Variants in ADAMTS16 observed in about 807,000 individuals in gnomAD.
ADAMTS16 encodes A disintegrin and metalloproteinase with thrombospondin motifs 16.
ADAMTS16 carries 94 observed loss-of-function variants against 145.8 expected under a neutral mutation model. The observed-to-expected ratio is 0.64, with a 90% CI of 0.55 to 0.77. The LOEUF is 0.77. Among genes scored for constraint, ADAMTS16 ranks in the 30% least tolerant of loss-of-function variants. The pLI is 0.00. For missense variants in ADAMTS16, 1,585 were observed against 1,591.5 expected (o/e 1.00, Z 0.07); for synonymous variants, 659 against 604.3 (o/e 1.09, Z -1.33).
At chr5:5,240,901 TCTAAGGC>T (rs1487649148) in intron 16 of ADAMTS16, among the ~76,000 whole-genome samples, 6 of 152,276 alleles carry the variant, frequency 3.9e-5, no homozygotes, top group Admixed American at 3.9e-4. Flanking sequence ...TCTCCCACCA[TCTAAGGC>T]TTTTAGCTTT....
At chr5:5,229,268 G>A (rs1003123141) in intron 11 of ADAMTS16, among the ~76,000 whole-genome samples, 20 of 136,740 alleles carry the variant, frequency 1.5e-4, no homozygotes, top group Admixed American at 2.4e-4. Context: ...ACTGCAGTCC[G>A]CAGTCCGGCC....
At position 5,215,828 on chromosome 5, in the gene ADAMTS16, A is replaced by G. The variant is rs1055816041; in HGVS notation, c.1605+6582A>G. ...TATGTGTGGTATATATATGTGGTAT[A>G]TATATGTGGTGTGTATATATATATA... On this transcript the variant is annotated intron_variant, in intron 10 of 22. Transcript: ENST00000274181. Among the ~76,000 whole-genome samples the G allele has an allele frequency of 1.3e-3, 83 of 64,008 alleles. No individual in the cohort carries two copies. In the East Asian group the frequency reaches 0.072, roughly 55 times the overall value. 42.0% of individuals were successfully genotyped at this position (64,008 alleles called of 152,430 possible).
chr5:5,239,508 T>C (rs1167875743), intron 15 of ADAMTS16, among the ~76,000 whole-genome samples, 173 bp from the exon 16 acceptor site: 1 of 152,234 alleles, frequency 6.6e-6, no homozygotes, highest in Non-Finnish European at 1.5e-5. Flanking sequence ...TCTGCTCCAA[T>C]TGATAAAAAG....
At chr5:5,182,653 T>C (rs1292750127) in intron 4 of ADAMTS16, among the ~76,000 whole-genome samples, 4 of 152,214 alleles carry the variant, frequency 2.6e-5, no homozygotes, top group Non-Finnish European at 4.4e-5. Flanking sequence ...TTTAGATTTA[T>C]TCAAGCCCAC....
chr5:5,191,144 C>T (rs573800276), intron 7 of ADAMTS16, among the ~76,000 whole-genome samples: 2 of 152,184 alleles, frequency 1.3e-5, no homozygotes, highest in Non-Finnish European at 1.5e-5. Flanking sequence ...CTGTTTCCCC[C>T]GACTTCTGCC....
At chr5:5,208,637 C>T (rs941265418) in intron 9 of ADAMTS16, among the ~76,000 whole-genome samples, 5 of 152,088 alleles carry the variant, frequency 3.3e-5, no homozygotes, top group African/African-American at 1.2e-4. Flanking sequence ...ATACATGTCC[C>T]CTAGCCTAGA....
At chr5:5,234,903 C>T in intron 12 of ADAMTS16, 111 bp from the exon 13 acceptor site, 1 of 712,740 alleles carries the variant, frequency 1.4e-6, no homozygotes, top group Non-Finnish European at 2.0e-6. Flanking sequence ...CCACTTTTTT[C>T]CTAATTACCC....
intron 18 of ADAMTS16, among the ~76,000 whole-genome samples, chr5:5,281,932 A>G (rs1458936890): frequency 1.3e-5 from 2 of 152,250 alleles, no homozygotes; most frequent in African/African-American, 2.4e-5. Context: ...GTGGGTGTAT[A>G]CAAAATACAG....
intron 11 of ADAMTS16, among the ~76,000 whole-genome samples, chr5:5,229,158 C>T (rs956748618): frequency 5.9e-5 from 9 of 151,332 alleles, no homozygotes; most frequent in Admixed American, 3.3e-4. Context: ...ATTAGCCGGG[C>T]GCGGTGGCGG....
intron 21 of ADAMTS16, among the ~76,000 whole-genome samples, chr5:5,313,902 C>T (rs991075354): frequency 6.6e-6 from 1 of 152,220 alleles, no homozygotes; most frequent in Admixed American, 6.5e-5. Flanking sequence ...TCTGATAATT[C>T]CACACTAAAT....
chr5:5,162,394 G>A (rs1734762964), intron 3 of ADAMTS16, among the ~76,000 whole-genome samples: 1 of 152,198 alleles, frequency 6.6e-6, no homozygotes, highest in Non-Finnish European at 1.5e-5. Flanking sequence ...GGAAACCACA[G>A]CATGGCTATG....
chr5:5,315,854 T>C (rs116469197), intron 21 of ADAMTS16, among the ~76,000 whole-genome samples: 2,601 of 152,300 alleles, frequency 0.017, 43 homozygotes, highest in South Asian at 0.042. Flanking sequence ...CATATATTGT[T>C]GGCAACTTTT....
At chr5:5,175,072 A>T (rs1359708487) in intron 3 of ADAMTS16, among the ~76,000 whole-genome samples, 1 of 152,190 alleles carries the variant, frequency 6.6e-6, no homozygotes, top group Non-Finnish European at 1.5e-5. Context: ...AAGCAGAAGA[A>T]GTCTCTGCCC....
chr5:5,190,187 G>T, intron 7 of ADAMTS16, 57 bp downstream of exon 7: 1 of 1,488,574 alleles, frequency 6.7e-7, no homozygotes, highest in Non-Finnish European at 8.9e-7. Context: ...CCCTGGCCGT[G>T]ACACAGTGTT....
chr5:5,216,913 A>G lies in ADAMTS16; in HGVS notation c.1606-5876A>G, dbSNP rs1363320992. Among the ~76,000 whole-genome samples, 15 of 151,654 alleles carry G rather than the reference A, an allele frequency of 9.9e-5. No individual in the cohort carries two copies. The East Asian group carries it at 2.7e-3, about 28-fold the overall frequency. On this transcript the variant is annotated intron_variant, in intron 10 of 22. Coordinates refer to ENST00000274181, the MANE Select transcript of ADAMTS16 (RefSeq NM_139056.4). ...AGAATGACGATTTCCAATTTCATCC[A>G]TGTCCCTACAAAGGACATGAACTCA...
At chr5:5,167,163 A>G (rs1734906850) in intron 3 of ADAMTS16, among the ~76,000 whole-genome samples, 1 of 152,088 alleles carries the variant, frequency 6.6e-6, no homozygotes, top group African/African-American at 2.4e-5. Context: ...CAGTTCCCCC[A>G]CCCACATTGG....
At position 5,151,714 on chromosome 5, in the gene ADAMTS16, GTGTGTGTGTGTA is replaced by G. The variant is rs763740204; in HGVS notation, c.501+5268_501+5279del. On this transcript the variant is annotated intron_variant, in intron 3 of 22. Coordinates refer to ENST00000274181, the MANE Select transcript of ADAMTS16 (RefSeq NM_139056.4). ...TGTGTGTGTGTGTGTGTGTGTGTGTGTGTGTGTGTGTATGTGTGTGGGGGGTAAGAGCACCTA... is the reference window on the plus strand; with the variant it reads ...TGTGTGTGTGTGTGTGTGTGTGTGTGTGTGTGTGGGGGGTAAGAGCACCTA... 2.0e-4 allele frequency among the ~76,000 whole-genome samples: 22 copies of G among 110,078 alleles called. 1 individual carries two copies. Among genetic ancestry groups the G allele is most frequent in the Middle Eastern group, 4.4e-3 (1 of 228 alleles). 72.2% of individuals were successfully genotyped at this position (110,078 alleles called of 152,430 possible). A position where few individuals can be genotyped will look rare whatever the true frequency, so the allele number is the denominator to read the frequency against.
intron 17 of ADAMTS16, among the ~76,000 whole-genome samples, chr5:5,246,580 C>T (rs1462870212): frequency 1.3e-5 from 2 of 152,310 alleles, no homozygotes; most frequent in African/African-American, 4.8e-5. Context: ...GAACCTTAAA[C>T]ATCTTAAAGC....
chr5:5,252,530 C>G (rs1306075192), intron 17 of ADAMTS16, among the ~76,000 whole-genome samples: 2 of 152,094 alleles, frequency 1.3e-5, no homozygotes, highest in African/African-American at 2.4e-5. Context: ...CTGGAGAACT[C>G]CCAGGATGCA....
Sources: gnomAD v4.1 joint callset for allele counts (sites outside exome capture counted in the v4.1 genomes callset) on GRCh38, gnomAD v4.1.1 for gene constraint, MANE v1.5 for transcripts, NCBI Gene and HGNC (gene_info 2026-07-23, HGNC 2026-07-21) for gene names.